Variants in PRR14L observed in about 807,000 individuals in gnomAD.
PRR14L encodes proline rich 14 like.
PRR14L carries 80 observed loss-of-function variants against 155.0 expected under a neutral mutation model. That is an observed-to-expected ratio of 0.52 (90% CI 0.43 to 0.62). The LOEUF is 0.62. PRR14L is among the 20% of genes least tolerant of loss of function. The probability of loss-of-function intolerance (pLI) is 0.00; values close to 1 mark genes in which losing one functional copy is unlikely to be tolerated. For missense variants in PRR14L, 2,469 were observed against 2,548.0 expected (o/e 0.97, Z 0.67); for synonymous variants, 883 against 916.0 (o/e 0.96, Z 0.65).
At chr22:31,733,552 G>A (rs1274415043) in intron 2 of PRR14L, among the ~76,000 whole-genome samples, 5 of 151,964 alleles carry the variant, frequency 3.3e-5, no homozygotes, top group South Asian at 2.1e-4. Flanking sequence ...TGATCCACCC[G>A]CCTCGGCCCC....
intron 1 of PRR14L, among the ~76,000 whole-genome samples, chr22:31,745,585 C>A (rs1404220856): frequency 3.3e-5 from 5 of 151,882 alleles, no homozygotes; most frequent in Admixed American, 2.6e-4. Context: ...GTGGCTCATG[C>A]CTGTAATACC....
At chr22:31,698,267 T>C (rs1232303072) in intron 7 of PRR14L, among the ~76,000 whole-genome samples, 1 of 152,016 alleles carries the variant, frequency 6.6e-6, no homozygotes, top group Non-Finnish European at 1.5e-5. Flanking sequence ...TCAGTTGATA[T>C]ACCCGCCTTG....
rs1474077858 is a variant in PRR14L, at chr22:31,716,414, A to C, written c.1425T>G (p.Asn475Lys). Reference sequence around the variant, plus strand: ...GAACGTGTACAGTAATTTTCAAATCATTTTTATTTAACATTACTTCTGTGG... The same window carrying C: ...GAACGTGTACAGTAATTTTCAAATCCTTTTTATTTAACATTACTTCTGTGG... ...TEATEVMLNK[N>K]DLKITVHVQG... The change falls in exon 4 of 9, where the codon AAT becomes AAG. Residue 475 changes from asparagine (N) to lysine (K), a missense_variant. Transcript: ENST00000327423. 4 of 1,550,352 alleles carry C rather than the reference A, an allele frequency of 2.6e-6. No homozygotes were observed. Among genetic ancestry groups the C allele is most frequent in the Non-Finnish European group, 3.5e-6 (4 of 1,146,640 alleles).
At chr22:31,705,816 A>G (rs918147173) in intron 4 of PRR14L, among the ~76,000 whole-genome samples, 1 of 151,090 alleles carries the variant, frequency 6.6e-6, no homozygotes, top group South Asian at 2.1e-4. Context: ...CCTGGTCAAC[A>G]TGGCAAAACC....
In PRR14L at chr22:31,714,493, G is replaced by A; in HGVS notation, c.3346C>T (p.Pro1116Ser). 1 of 1,552,048 alleles carries A rather than the reference G, an allele frequency of 6.4e-7. No homozygotes were observed. The highest frequency in any genetic ancestry group is 8.7e-7 in the Non-Finnish European group (1 of 1,147,080). ...TCCACTGTAGAAGCAGCAGTAACTG[G>A]GAAATCTGAATCCTGACCAGTTGTT... The part of the protein sequence containing the change: ...TGTTGQDSDF[P>S]VTAASTVDFL... The change falls in exon 4 of 9, where the codon CCA becomes TCA. Residue 1116 changes from proline to serine, a missense_variant. By Grantham distance (74) the Pro-to-Ser change is moderately conservative. This residue lies in a region of PRR14L where 2,363 missense variants were observed against 2,371.6 expected (regional missense o/e 1.00). Coordinates refer to ENST00000327423, the MANE Select transcript of PRR14L (RefSeq NM_173566.3).
At chr22:31,708,198 C>A (rs1022225624) in intron 4 of PRR14L, among the ~76,000 whole-genome samples, 1 of 152,052 alleles carries the variant, frequency 6.6e-6, no homozygotes, top group Non-Finnish European at 1.5e-5. Context: ...GTACTTGTAA[C>A]AGCAATTCAT....
At chr22:31,743,409 T>C (rs1171334659) in intron 1 of PRR14L, among the ~76,000 whole-genome samples, 2 of 152,316 alleles carry the variant, frequency 1.3e-5, no homozygotes, top group East Asian at 1.9e-4. Context: ...GTGATGGCTG[T>C]AGAACTCTGT....
At chr22:31,692,947 C>CT (rs1244651089) in intron 7 of PRR14L, among the ~76,000 whole-genome samples, 3 of 151,868 alleles carry the variant, frequency 2.0e-5, no homozygotes, top group African/African-American at 7.3e-5. Context: ...GTCATCTTTT[C>CT]TTTTTTTTAT....
chr22:31,744,284 C>T (rs1198874824), intron 1 of PRR14L, among the ~76,000 whole-genome samples: 1 of 152,074 alleles, frequency 6.6e-6, no homozygotes, highest in East Asian at 1.9e-4. Flanking sequence ...AGGCATTTGC[C>T]ACCACACCCA....
chr22:31,738,491 C>G lies in PRR14L; in HGVS notation c.370G>C (p.Asp124His). ...ATAATTCCTGCCTGGCCCCCTGGAT[C>G]TCTGAAGACCTTTGGCTCCATGCTC... Reference protein sequence around the residue: ...SESMEPKVFRDPGGQAGIIRE... With the variant: ...SESMEPKVFRHPGGQAGIIRE... Residue 124 changes from aspartate (D) to histidine (H), a missense_variant, in exon 2 of 9, where the codon GAT becomes CAT. By Grantham distance (81) the Asp-to-His change is moderately conservative. Coordinates refer to ENST00000327423, the MANE Select transcript of PRR14L (RefSeq NM_173566.3). 1 of 1,552,104 alleles carries G rather than the reference C, an allele frequency of 6.4e-7. No individual in the cohort carries two copies. The highest frequency in any genetic ancestry group is 8.7e-7 in the Non-Finnish European group (1 of 1,147,084).
chr22:31,716,082 T>A lies in PRR14L; in HGVS notation c.1757A>T (p.Glu586Val). The A allele has an allele frequency of 6.4e-7, 1 of 1,551,028 alleles. No homozygotes were observed. The highest frequency in any genetic ancestry group is 8.7e-7 in the Non-Finnish European group (1 of 1,146,924). The change falls in exon 4 of 9, where the codon GAG becomes GTG. Residue 586 changes from glutamate (E) to valine (V), a missense_variant. This residue lies in a region of PRR14L where 2,363 missense variants were observed against 2,371.6 expected (regional missense o/e 1.00). Coordinates refer to ENST00000327423, the MANE Select transcript of PRR14L (RefSeq NM_173566.3). Reference protein sequence around the residue: ...MPEDQISPVSEVLKPKQGTAL... With the variant: ...MPEDQISPVSVVLKPKQGTAL... ...AGTACCTTGCTTGGGTTTTAATACC[T>A]CACTTACAGGACTTATTTGATCCTC...
At chr22:31,692,713 T>C (rs996403880) in intron 7 of PRR14L, among the ~76,000 whole-genome samples, 4 of 152,188 alleles carry the variant, frequency 2.6e-5, no homozygotes, top group Non-Finnish European at 5.9e-5. Flanking sequence ...TTGATGACAG[T>C]TCACTGCAGC....
In PRR14L at chr22:31,715,647, G is replaced by C. The variant is rs2074653639; in HGVS notation, c.2192C>G (p.Pro731Arg). Residue 731 changes from proline (P) to arginine (R), a missense_variant, in exon 4 of 9, where the codon CCC becomes CGC. Transcript: ENST00000327423. ...NQTCGASSNCPTLNIKPVSLE... is the reference protein window; with the variant it reads ...NQTCGASSNCRTLNIKPVSLE... ...GCTTACTGGTTTGATGTTTAAGGTG[G>C]GACAGTTTGAAGAGGCACCACAGGT... 3.2e-6 allele frequency: 5 copies of C among 1,552,008 alleles called. No homozygotes were observed. The highest frequency in any genetic ancestry group is 3.5e-6 in the Non-Finnish European group (4 of 1,147,030).
Position 31,738,654 on chromosome 22 carries a change from C to T in PRR14L, c.207G>A (p.Arg69=). The T allele has an allele frequency of 6.4e-7, 1 of 1,552,116 alleles. No individual in the cohort carries two copies. Among genetic ancestry groups the T allele is most frequent in the Non-Finnish European group, 8.7e-7 (1 of 1,147,088 alleles). The change falls in exon 2 of 9, where the codon AGG becomes AGA. Residue 69 remains arginine, a synonymous_variant. Coordinates refer to ENST00000327423, the MANE Select transcript of PRR14L (RefSeq NM_173566.3). ...QNRALPLELQ[R]THVESCCEET... is the part of the protein sequence containing the mutation. ...CTTCACAACAACTCTCCACATGAGT[C>T]CTCTGCAGCTCCAAGGGCAATGCCC...
intron 3 of PRR14L, among the ~76,000 whole-genome samples, chr22:31,722,343 T>G (rs1028410362): frequency 6.6e-6 from 1 of 150,694 alleles, no homozygotes; most frequent in Admixed American, 6.6e-5. Flanking sequence ...GGCAGGAGAA[T>G]TGCTTGAACC....
chr22:31,730,503 T>C (rs550522561), intron 2 of PRR14L, among the ~76,000 whole-genome samples: 28 of 152,262 alleles, frequency 1.8e-4, no homozygotes, highest in Non-Finnish European at 5.9e-5. Flanking sequence ...TGGTGTCCTA[T>C]TGGGGGCAGT....
In PRR14L at chr22:31,738,779, G is replaced by T; in HGVS notation, c.82C>A (p.Leu28Ile). The T allele has an allele frequency of 6.4e-7, 1 of 1,551,788 alleles. No homozygotes were observed. Among genetic ancestry groups the T allele is most frequent in the East Asian group, 2.4e-5 (1 of 40,920 alleles). Residue 28 changes from leucine to isoleucine, a missense_variant, in exon 2 of 9, where the codon CTC (leucine) becomes ATC (isoleucine). Coordinates refer to ENST00000327423, the MANE Select transcript of PRR14L (RefSeq NM_173566.3). ...SAVVQELYSE[L>I]PVSVSRELHA... ...AGCTCTCTGGAGACACTTACTGGGA[G>T]TTCAGAGTATAATTCCTGTACCACG...
At chr22:31,702,096 G>A (rs2074565796) in intron 6 of PRR14L, among the ~76,000 whole-genome samples, 1 of 152,046 alleles carries the variant, frequency 6.6e-6, no homozygotes, top group Admixed American at 6.6e-5. Flanking sequence ...CACCACCCCT[G>A]GCATATTGTA....
intron 5 of PRR14L, 64 bp downstream of exon 5, chr22:31,704,591 G>T: frequency 7.5e-7 from 1 of 1,342,044 alleles, no homozygotes; most frequent in Non-Finnish European, 1.1e-6. Flanking sequence ...ACCTATGTAT[G>T]CACTCTCTCT....
Sources: allele counts gnomAD v4.1 joint callset (sites outside exome capture counted in the v4.1 genomes callset), GRCh38; gene constraint gnomAD v4.1.1; regional missense constraint gnomAD v4.1.1; transcripts MANE v1.5; gene names NCBI Gene and HGNC (gene_info 2026-07-23, HGNC 2026-07-21).